BOP1: variants seen among roughly 807,000 people sequenced by gnomAD.
The protein encoded by BOP1 is BOP1 ribosomal biogenesis factor, also known as ribosome biogenesis protein BOP1.
A neutral mutation model predicts 82.9 loss-of-function variants in BOP1; 54 were observed. That is an observed-to-expected ratio of 0.65 (90% CI 0.52 to 0.82). The LOEUF (loss-of-function observed/expected upper bound fraction) is 0.82, where lower values mean the gene tolerates loss of function less well. Among genes scored for constraint, BOP1 ranks in the 40% least tolerant of loss-of-function variants. The pLI is 0.00. For synonymous variants in BOP1, 566 were observed against 451.1 expected, an observed-to-expected ratio of 1.25 and a Z score of -3.23; for missense variants, 1,170 against 1,072.0, an observed-to-expected ratio of 1.09 and a Z score of -1.28.
chr8:144,264,605 G>A lies in BOP1; in HGVS notation c.675C>T (p.Asp225=). The part of the protein sequence containing the change: ...VGFNPYEPAV[D]FFSGDVMIHP... ...GGATCATGACGTCCCCGCTGAAGAA[G>A]TCGACAGCCGGCTGGGGGAGAAGAT... The change falls in exon 6 of 16, where the codon GAC becomes GAT. Residue 225 remains aspartate, a synonymous_variant. Transcript: ENST00000569669. The A allele has an allele frequency of 1.2e-6, 2 of 1,600,500 alleles. No homozygotes were observed. Among genetic ancestry groups the A allele is most frequent in the Non-Finnish European group, 8.5e-7 (1 of 1,173,666 alleles).
chr8:144,267,030 C>T (rs1290151676), intron 3 of BOP1: 13 of 1,515,796 alleles, frequency 8.6e-6, no homozygotes, highest in Middle Eastern at 2.3e-4. Context: ...CCTGCGGCGA[C>T]GGACAGCCCT....
intron 2 of BOP1, among the ~76,000 whole-genome samples, chr8:144,282,222 C>G (rs1363765932): frequency 2.0e-5 from 3 of 152,222 alleles, no homozygotes; most frequent in African/African-American, 7.2e-5. Flanking sequence ...GGGCTGGGAG[C>G]ACCCGTGTCA....
Position 144,291,309 on chromosome 8 carries a change from C to A in BOP1, c.62G>T (p.Arg21Leu), listed in dbSNP as rs1253365015. The A allele has an allele frequency of 6.2e-6, 9 of 1,444,050 alleles. No homozygotes were observed. Among genetic ancestry groups the A allele is most frequent in the East Asian group, 6.3e-5 (2 of 31,632 alleles). The allele number at this position is 1,444,050 out of a possible 1,614,324, so 89.5% of individuals were successfully genotyped here. Residue 21 changes from arginine to leucine, a missense_variant, in exon 1 of 16, where the codon CGG becomes CTG. Arg to Leu is a moderately radical substitution (Grantham distance 102). Coordinates refer to ENST00000569669, the MANE Select transcript of BOP1 (RefSeq NM_015201.5). This position sits in a 1 kb window ranked among gnomAD's most constrained non-coding sequence, Gnocchi z 4.1. The stretch of plus-strand genomic sequence containing the variant: ...CTCAGGCTCCAGTTCGGGCTCAGAC[C>A]GCCGCTTCTCCGGCCGCACGCTCGG... ...AAPSVRPEKR[R>L]SEPELEPEPE...
intron 3 of BOP1, chr8:144,266,900 C>A: frequency 6.5e-7 from 1 of 1,527,518 alleles, no homozygotes; most frequent in East Asian, 2.7e-5. Context: ...ACGGCCTTCA[C>A]GGCGCTGCGC....
At chr8:144,288,543 A>T (rs555522084) in intron 2 of BOP1, among the ~76,000 whole-genome samples, 2 of 151,914 alleles carry the variant, frequency 1.3e-5, no homozygotes, top group Non-Finnish European at 2.9e-5. Context: ...AATAAAAAAT[A>T]AAAAAAAATA....
At chr8:144,266,801 G>T in intron 3 of BOP1, 3 of 1,135,158 alleles carry the variant, frequency 2.6e-6, no homozygotes, top group Non-Finnish European at 3.2e-6. Context: ...CGGGCCGGGG[G>T]CGGGGGGCCA....
chr8:144,263,286 G>C lies in BOP1; in HGVS notation c.1540C>G (p.Arg514Gly). The C allele has an allele frequency of 6.3e-7, 1 of 1,594,350 alleles. No homozygotes were observed. The highest frequency in any genetic ancestry group is 8.5e-7 in the Non-Finnish European group (1 of 1,179,030). ...TCCTCCTCTGAGGCCTCCAGCCAGC[G>C]GGCCGGCTGCAAGGGGGGCTCCTCA... ...PPEEPPLQPA[R>G]WLEASEEERQ... The change falls in exon 12 of 16, where the codon CGC becomes GGC. Residue 514 changes from arginine (R) to glycine (G), a missense_variant. By Grantham distance (125) the Arg-to-Gly change is moderately radical (BLOSUM62 -2). Coordinates refer to ENST00000569669, the MANE Select transcript of BOP1 (RefSeq NM_015201.5).
chr8:144,269,766 T>C (rs1200201454), intron 3 of BOP1, among the ~76,000 whole-genome samples: 1 of 152,162 alleles, frequency 6.6e-6, no homozygotes, highest in Non-Finnish European at 1.5e-5. Context: ...GACACGGACA[T>C]GCAGCTAGGG....
intron 3 of BOP1, among the ~76,000 whole-genome samples, chr8:144,274,533 G>A (rs1291951461): frequency 5.9e-5 from 9 of 152,346 alleles, no homozygotes; most frequent in South Asian, 4.1e-4. Flanking sequence ...GCATCTGTCC[G>A]GGCCTGGCCT....
chr8:144,268,990 C>T (rs1554837519), intron 3 of BOP1, among the ~76,000 whole-genome samples: 2 of 152,176 alleles, frequency 1.3e-5, no homozygotes, highest in Non-Finnish European at 2.9e-5. Flanking sequence ...GTCCTGCCTC[C>T]ACGAGCCTTG....
At chr8:144,262,816 C>T (rs1248730791) in intron 13 of BOP1, 37 bp downstream of exon 13, 1 of 919,538 alleles carries the variant, frequency 1.1e-6, no homozygotes, top group Non-Finnish European at 1.5e-6. Flanking sequence ...CCCCCCCCCA[C>T]CCCTCACCTG....
At chr8:144,290,034 T>G (rs537114293) in intron 1 of BOP1, among the ~76,000 whole-genome samples, 2 of 152,182 alleles carry the variant, frequency 1.3e-5, no homozygotes, top group Admixed American at 1.3e-4. Flanking sequence ...TCACTGGCCT[T>G]AAAGGGTGGA....
chr8:144,266,805 G>A, intron 3 of BOP1: 1 of 1,143,370 alleles, frequency 8.7e-7, no homozygotes, highest in Non-Finnish European at 1.1e-6. Flanking sequence ...CCGGGGGCGG[G>A]GGGCCAGGGG....
At position 144,268,362 on chromosome 8, in the gene BOP1, C is replaced by G. The variant is rs1845430230; in HGVS notation, c.391-3291G>C. The G allele has an allele frequency of 8.2e-6, 5 of 610,094 alleles. No homozygotes were observed. In the South Asian group the frequency reaches 1.0e-4, roughly 12 times the overall value. The allele number at this position is 610,094 out of a possible 1,614,324, so 37.8% of individuals were successfully genotyped here. A position where few individuals can be genotyped will look rare whatever the true frequency, so the allele number is the denominator to read the frequency against. Reference sequence around the variant, plus strand: ...TGGCCCCAGCACCTGCCCGGGCCCACTGGAACTTTCTGCGCTGGCTTTTCT... The same window carrying G: ...TGGCCCCAGCACCTGCCCGGGCCCAGTGGAACTTTCTGCGCTGGCTTTTCT... On this transcript the variant is annotated intron_variant, in intron 3 of 15. Transcript: ENST00000569669.
intron 2 of BOP1, among the ~76,000 whole-genome samples, chr8:144,281,113 CT>C (rs1588604007): frequency 1.1e-5 from 1 of 92,680 alleles, no homozygotes; most frequent in East Asian, 2.3e-4. Context: ...CTTCGGCCTT[CT>C]CTCAGTTTAA....
Position 144,263,537 on chromosome 8 carries a change from GC to G in BOP1, c.1364del (p.Gly455AlafsTer3). ...GGTTCCAGGCCACACTCTTCACCACGCCCCCCACGGGAACAGTCCTCACACA... is the reference window on the plus strand; with the variant it reads ...GGTTCCAGGCCACACTCTTCACCACGCCCCCACGGGAACAGTCCTCACACA... ...ARCVRTVPVG[G>X]VVKSVAWNPS... On this transcript the variant is annotated frameshift_variant, in exon 11 of 16. Coordinates refer to ENST00000569669, the MANE Select transcript of BOP1 (RefSeq NM_015201.5). LOFTEE classifies it high-confidence loss of function. The G allele has an allele frequency of 6.2e-7, 1 of 1,600,132 alleles. No homozygotes were observed. Among genetic ancestry groups the G allele is most frequent in the Admixed American group, 1.7e-5 (1 of 59,992 alleles).
Position 144,264,944 on chromosome 8 carries a change from A to C in BOP1, c.518T>G (p.Leu173Arg). ...GTAGTCAGGATCGTCCATCTTGTCC[A>C]GGAACTGGTCCAGCTCATCCCGGGT... ...LRTRDELDQFLDKMDDPDYWR... is the reference protein window; with the variant it reads ...LRTRDELDQFRDKMDDPDYWR... The change falls in exon 4 of 16, where the codon CTG becomes CGG. Residue 173 changes from leucine (L) to arginine (R), a missense_variant. Leu to Arg is a moderately radical substitution (Grantham distance 102). Coordinates refer to ENST00000569669, the MANE Select transcript of BOP1 (RefSeq NM_015201.5). 1 of 1,608,438 alleles carries C rather than the reference A, an allele frequency of 6.2e-7. No homozygotes were observed. Among genetic ancestry groups the C allele is most frequent in the Non-Finnish European group, 8.5e-7 (1 of 1,179,014 alleles).
intron 3 of BOP1, among the ~76,000 whole-genome samples, chr8:144,273,712 G>C (rs1011606815): frequency 6.6e-6 from 1 of 152,192 alleles, no homozygotes; most frequent in African/African-American, 2.4e-5. Flanking sequence ...ATGAGATCAC[G>C]TCTGTGAAGC....
Position 144,289,091 on chromosome 8 carries a change from C to G in BOP1, c.309+4G>C, listed in dbSNP as rs782373696. Reference sequence around the variant, plus strand: ...GCCCTCGAGGGGGCTCCTCGCTCACCCACCTGCACCTGCTCCTCAGTGGTC... The same window carrying G: ...GCCCTCGAGGGGGCTCCTCGCTCACGCACCTGCACCTGCTCCTCAGTGGTC... On this transcript the variant is annotated splice_donor_region_variant and intron_variant, in intron 2 of 15. Coordinates refer to ENST00000569669, the MANE Select transcript of BOP1 (RefSeq NM_015201.5). 3.7e-6 allele frequency: 6 copies of G among 1,614,070 alleles called. No individual in the cohort carries two copies. In the East Asian group the frequency reaches 1.3e-4, roughly 36 times the overall value.
Sources: allele counts gnomAD v4.1 joint callset (sites outside exome capture counted in the v4.1 genomes callset), GRCh38; gene constraint gnomAD v4.1.1; non-coding constraint Gnocchi (gnomAD v3.1); transcripts MANE v1.5; gene names NCBI Gene and HGNC (gene_info 2026-07-23, HGNC 2026-07-21).